Variants in CCDC171 observed in about 807,000 individuals in gnomAD.
CCDC171 encodes coiled-coil domain containing 171, also known as coiled-coil domain-containing protein 171.
Under a neutral mutation model 168.2 loss-of-function variants are expected in CCDC171, and 177 were observed. The observed-to-expected ratio is 1.05, with a 90% confidence interval of 0.93 to 1.19. The LOEUF (loss-of-function observed/expected upper bound fraction) is 1.19, where lower values mean the gene tolerates loss of function less well. Ranked by LOEUF, CCDC171 falls within the 50% of genes most tolerant of loss-of-function variation. The pLI is 0.00. For synonymous variants in CCDC171, 687 were observed against 540.8 expected, an observed-to-expected ratio of 1.27 and a Z score of -3.75; for missense variants, 1,991 against 1,539.0, an observed-to-expected ratio of 1.29 and a Z score of -4.91.
intron 18 of CCDC171, among the ~76,000 whole-genome samples, chr9:15,763,206 C>G (rs956413978): frequency 6.6e-6 from 1 of 152,212 alleles, no homozygotes; most frequent in African/African-American, 2.4e-5. Context: ...CTGTTGTCCT[C>G]AGGATGTGTT....
chr9:15,776,902 G>C (rs767585639), intron 18 of CCDC171, among the ~76,000 whole-genome samples: 9 of 152,124 alleles, frequency 5.9e-5, no homozygotes, highest in Non-Finnish European at 1.3e-4. Context: ...ATTTTACATT[G>C]ATAGTATCAT....
At chr9:16,073,457 A>T in the CCDC171 span, among the ~76,000 whole-genome samples, 2 of 152,174 alleles carry the variant, frequency 1.3e-5, no homozygotes, top group African/African-American at 4.8e-5. Flanking sequence ...ATCTTCTCTT[A>T]TCTCTCTTAA....
At chr9:15,957,273 G>A (rs1172136690) in intron 25 of CCDC171, among the ~76,000 whole-genome samples, 3 of 152,170 alleles carry the variant, frequency 2.0e-5, no homozygotes, top group Admixed American at 1.3e-4. Context: ...ATTGGGTGAA[G>A]CTGTGGAGCA....
chr9:15,804,909 T>C (rs750619075), intron 21 of CCDC171, among the ~76,000 whole-genome samples: 4 of 152,170 alleles, frequency 2.6e-5, no homozygotes, highest in Non-Finnish European at 4.4e-5. Flanking sequence ...TGGTAGGCTA[T>C]TTATTACTGC....
At chr9:15,913,372 A>C (rs181572137) in intron 24 of CCDC171, among the ~76,000 whole-genome samples, 6 of 151,816 alleles carry the variant, frequency 4.0e-5, no homozygotes, top group Non-Finnish European at 8.8e-5. Flanking sequence ...AGCAGTGGTG[A>C]TCTCCCCTTT....
chr9:15,567,214 G>T (rs890284967), intron 2 of CCDC171, among the ~76,000 whole-genome samples: 11 of 152,022 alleles, frequency 7.2e-5, no homozygotes, highest in African/African-American at 2.7e-4. Flanking sequence ...TAGAGACGGG[G>T]TTTCACAATC....
At chr9:15,983,846 G>T (rs963075428) in intron 3 of CCDC171, among the ~76,000 whole-genome samples, 1 of 151,540 alleles carries the variant, frequency 6.6e-6, no homozygotes, top group African/African-American at 2.4e-5. Context: ...GTGTGTGTGT[G>T]TGTGTGTGTG....
In CCDC171 at chr9:15,724,819, A is replaced by G. The variant is rs772296022; in HGVS notation, c.1535A>G (p.His512Arg). 3.1e-6 allele frequency: 5 copies of G among 1,613,880 alleles called. No individual in the cohort carries two copies. The highest frequency in any genetic ancestry group is 4.5e-5 in the East Asian group (2 of 44,864). Residue 512 changes from histidine to arginine, a missense_variant, in exon 14 of 26, where the codon CAT becomes CGT. Transcript: ENST00000380701. ...GCTGATGTTAATAAAGAGTTAAGTC[A>G]TTTACACACTAAATGTGCAGACCGA... is the stretch of plus-strand genomic sequence containing the variant. ...KLADVNKELSHLHTKCADREA... is the reference protein window; with the variant it reads ...KLADVNKELSRLHTKCADREA...
At chr9:15,949,933 G>A (rs970267005) in intron 25 of CCDC171, among the ~76,000 whole-genome samples, 4 of 152,218 alleles carry the variant, frequency 2.6e-5, no homozygotes, top group Non-Finnish European at 2.9e-5. Flanking sequence ...TATGATATTG[G>A]CTGTGGGTTT....
intron 24 of CCDC171, among the ~76,000 whole-genome samples, chr9:15,903,183 G>A (rs1285272832): frequency 2.0e-5 from 3 of 152,216 alleles, no homozygotes; most frequent in South Asian, 2.1e-4. Flanking sequence ...GAAGAGAGTA[G>A]TGCTTCTCCC....
chr9:15,910,069 C>G (rs1414198823), intron 24 of CCDC171, among the ~76,000 whole-genome samples: 1 of 152,066 alleles, frequency 6.6e-6, no homozygotes, highest in Admixed American at 6.6e-5. Flanking sequence ...CTTTCTGTCT[C>G]TGAGTTATTT....
chr9:15,992,446 AAAT>A (rs911718879), intron 3 of CCDC171, among the ~76,000 whole-genome samples: 48 of 152,304 alleles, frequency 3.2e-4, no homozygotes, highest in African/African-American at 1.1e-3. Flanking sequence ...ATGTATCTCA[AAAT>A]AATAAGAGCT....
chr9:15,829,968 G>A (rs963571352), intron 21 of CCDC171, among the ~76,000 whole-genome samples: 1 of 152,110 alleles, frequency 6.6e-6, no homozygotes, highest in Non-Finnish European at 1.5e-5. Flanking sequence ...TATAATTATG[G>A]CATAATAGTA....
At chr9:15,720,974 A>C (rs1162052656) in intron 11 of CCDC171, among the ~76,000 whole-genome samples, 3 of 152,192 alleles carry the variant, frequency 2.0e-5, no homozygotes, top group African/African-American at 7.2e-5. Flanking sequence ...TTGAATCAAC[A>C]ATCAATTTAG....
intron 7 of CCDC171, among the ~76,000 whole-genome samples, chr9:15,634,743 T>C (rs1219513556): frequency 2.0e-5 from 3 of 152,216 alleles, no homozygotes; most frequent in Non-Finnish European, 2.9e-5. Flanking sequence ...ATTACTATAA[T>C]CCATTTTGGA....
At chr9:15,961,530 TCAATGTA>T (rs1830330323) in intron 25 of CCDC171, among the ~76,000 whole-genome samples, 1 of 152,214 alleles carries the variant, frequency 6.6e-6, no homozygotes, top group Non-Finnish European at 1.5e-5. Context: ...AGGTGTTTAC[TCAATGTA>T]AAACTGTAAA....
chr9:15,715,037 C>T (rs1003755313), intron 11 of CCDC171, among the ~76,000 whole-genome samples: 5 of 152,204 alleles, frequency 3.3e-5, no homozygotes, highest in African/African-American at 1.2e-4. Flanking sequence ...GATCCAATCA[C>T]TTGCACTAAA....
chr9:15,865,126 G>C (rs901171232), intron 23 of CCDC171, among the ~76,000 whole-genome samples: 1 of 151,918 alleles, frequency 6.6e-6, no homozygotes, highest in Admixed American at 6.6e-5. Flanking sequence ...AAATTTATCG[G>C]ACTGAAATGA....
At chr9:15,981,114 C>G (rs1175611795) in intron 3 of CCDC171, among the ~76,000 whole-genome samples, 1 of 152,098 alleles carries the variant, frequency 6.6e-6, no homozygotes, top group African/African-American at 2.4e-5. Flanking sequence ...ATTCAGTTAC[C>G]TCCCACAACA....
Sources: gnomAD v4.1 joint callset for allele counts (sites outside exome capture counted in the v4.1 genomes callset) on GRCh38, gnomAD v4.1.1 for gene constraint, MANE v1.5 for transcripts, NCBI Gene and HGNC (gene_info 2026-07-23, HGNC 2026-07-21) for gene names.